TRIM35: variants seen among roughly 807,000 people sequenced by gnomAD.
TRIM35 encodes the protein E3 ubiquitin-protein ligase TRIM35.
Under a neutral mutation model 49.1 loss-of-function variants are expected in TRIM35, and 37 were observed. The ratio of observed to expected loss-of-function variants is 0.75; its 90% CI spans 0.58 to 0.99. The LOEUF is 0.99. Ranked by LOEUF, TRIM35 falls within the 50% of genes least tolerant of loss-of-function variation. The probability of loss-of-function intolerance (pLI) is 0.00; values close to 1 mark genes in which losing one functional copy is unlikely to be tolerated. For missense variants in TRIM35, 648 were observed against 702.7 expected (o/e 0.92, Z 0.88); for synonymous variants, 302 against 289.3 (o/e 1.04, Z -0.45).
In TRIM35 at chr8:27,287,808, G is replaced by A. The variant is rs1307973383; in HGVS notation, c.1224C>T (p.Asp408=). 6.2e-7 allele frequency: 1 copy of A among 1,611,092 alleles called. No homozygotes were observed. Among genetic ancestry groups the A allele is most frequent in the African/African-American group, 1.3e-5 (1 of 74,900 alleles). ...YVCRTQGVEG[D]HCVTSDPATS... The stretch of plus-strand genomic sequence containing the variant: ...TGGCTGGGTCCGAGGTCACGCAGTG[G>A]TCCCCCTCCACGCCCTGCGTGCGGC... The change falls in exon 6 of 6, where the codon GAC becomes GAT. Residue 408 remains aspartate, a synonymous_variant. Transcript: ENST00000305364. This position sits in a 1 kb window ranked among gnomAD's most constrained non-coding sequence, Gnocchi z 6.0.
intron 4 of TRIM35, 94 bp downstream of exon 4, chr8:27,290,062 G>GT: frequency 6.9e-7 from 1 of 1,448,166 alleles, no homozygotes; most frequent in Non-Finnish European, 9.6e-7. Context: ...GCACCCAGCT[G>GT]GTTGTTACCT....
At position 27,288,008 on chromosome 8, in the gene TRIM35, C is replaced by T. The variant is rs1563436213; in HGVS notation, c.1024G>A (p.Ala342Thr). 1 of 1,613,648 alleles carries T rather than the reference C, an allele frequency of 6.2e-7. No homozygotes were observed. Among genetic ancestry groups the T allele is most frequent in the Non-Finnish European group, 8.5e-7 (1 of 1,180,010 alleles). Residue 342 changes from alanine (A) to threonine (T), a missense_variant, in exon 6 of 6, where the codon GCG becomes ACG. Transcript: ENST00000305364. ...ACACGGGAGCCCAGCAGGCAGGGCG[C>T]CGAGGAGAAGCGTTCCGGGTTCTCC... Reference protein sequence around the residue: ...QVENPERFSSAPCLLGSRVFS... With the variant: ...QVENPERFSSTPCLLGSRVFS...
chr8:27,286,871 C>G lies in TRIM35; in HGVS notation c.*679G>C, dbSNP rs1802333605. 2 of 152,698 alleles carry G rather than the reference C, an allele frequency of 1.3e-5. No homozygotes were observed. Among genetic ancestry groups the G allele is most frequent in the Admixed American group, 1.3e-4 (2 of 15,308 alleles). The allele number at this position is 152,698 out of a possible 1,614,324, so 9.5% of individuals were successfully genotyped here. A position where few individuals can be genotyped will look rare whatever the true frequency, so the allele number is the denominator to read the frequency against. On this transcript the variant is annotated 3_prime_UTR_variant, in exon 6 of 6. Transcript: ENST00000305364. ...AATCCGGAGCGATGGCGCCAGCTGC[C>G]TCCTTCACATGGCTCTCCCAGGGCT...
At chr8:27,298,386 C>G in intron 2 of TRIM35, 78 bp downstream of exon 2, 4 of 1,418,286 alleles carry the variant, frequency 2.8e-6, no homozygotes, top group Non-Finnish European at 4.0e-6. Context: ...GCCAAAGCCA[C>G]GGCTGACACA....
At chr8:27,300,961 C>A (rs1206652888) in intron 1 of TRIM35, among the ~76,000 whole-genome samples, 1 of 152,194 alleles carries the variant, frequency 6.6e-6, no homozygotes, top group Admixed American at 6.5e-5. Flanking sequence ...AGTTCAGCCC[C>A]TGCCCTTCAA....
At chr8:27,300,725 A>AAACTTTGTTT in intron 1 of TRIM35, among the ~76,000 whole-genome samples, 1 of 152,344 alleles carries the variant, frequency 6.6e-6, no homozygotes, top group Admixed American at 6.5e-5. Flanking sequence ...TAAGATTTTT[A>AAACTTTGTTT]AACTTTGTTT....
chr8:27,294,190 G>T lies in TRIM35; in HGVS notation c.652C>A (p.Leu218Ile). The stretch of plus-strand genomic sequence containing the variant: ...TGCTTCATCTTCTCGTCGGCCAGAA[G>T]TTGCTTCTGCCTTGTCTCCTCGGCC... ...AMAEETRQKQ[L>I]LADEKMKQLT... Residue 218 changes from leucine (L) to isoleucine (I), a missense_variant, in exon 3 of 6, where the codon CTT becomes ATT. Leu to Ile is a conservative substitution (Grantham distance 5). Coordinates refer to ENST00000305364, the MANE Select transcript of TRIM35 (RefSeq NM_171982.5). 1.2e-6 allele frequency: 2 copies of T among 1,614,246 alleles called. No individual in the cohort carries two copies. Among genetic ancestry groups the T allele is most frequent in the South Asian group, 1.1e-5 (1 of 91,088 alleles).
At chr8:27,292,070 A>C (rs1802467132) in intron 3 of TRIM35, among the ~76,000 whole-genome samples, 1 of 152,226 alleles carries the variant, frequency 6.6e-6, no homozygotes, top group Admixed American at 6.5e-5. Flanking sequence ...CCAATTGATA[A>C]ATCAATCAAT....
chr8:27,290,145 T>C lies in TRIM35; in HGVS notation c.785+11A>G, dbSNP rs763034629. On this transcript the variant is annotated intron_variant, in intron 4 of 5. Transcript: ENST00000305364. ...CTCTTCCCCTCCCCTCCACCAGCTTTGGCAACTTACCGGCGTTTTCGGCTC... is the reference window on the plus strand; with the variant it reads ...CTCTTCCCCTCCCCTCCACCAGCTTCGGCAACTTACCGGCGTTTTCGGCTC... 1 of 1,614,132 alleles carries C rather than the reference T, an allele frequency of 6.2e-7. No homozygotes were observed. The highest frequency in any genetic ancestry group is 8.5e-7 in the Non-Finnish European group (1 of 1,180,008).
chr8:27,304,141 T>A (rs1273924404), intron 1 of TRIM35, among the ~76,000 whole-genome samples: 1 of 152,226 alleles, frequency 6.6e-6, no homozygotes, highest in Non-Finnish European at 1.5e-5. Context: ...TTGAAGATCT[T>A]AAGCACTTTA....
rs1207442230 is a variant in TRIM35, at chr8:27,294,443, CA to C, written c.532-134del. The C allele has an allele frequency of 3.3e-5, 28 of 849,198 alleles. No individual in the cohort carries two copies. The African/African-American group carries it at 4.3e-4, about 13-fold the overall frequency. The allele number at this position is 849,198 out of a possible 1,614,324, so 52.6% of individuals were successfully genotyped here. Reference sequence around the variant, plus strand: ...TATAGAACCCCTACAGATAAAATATCAACATAATAGTTTATAAGCACAAATT... The same window carrying C: ...TATAGAACCCCTACAGATAAAATATCACATAATAGTTTATAAGCACAAATT... On this transcript the variant is annotated intron_variant, in intron 2 of 5. Transcript: ENST00000305364.
At chr8:27,302,556 A>G (rs1229979771) in intron 1 of TRIM35, among the ~76,000 whole-genome samples, 1 of 152,078 alleles carries the variant, frequency 6.6e-6, no homozygotes, top group African/African-American at 2.4e-5. Flanking sequence ...ACAAGCATGC[A>G]CCACCACACC....
intron 1 of TRIM35, 112 bp from the exon 2 acceptor site, chr8:27,298,671 T>A: frequency 1.2e-6 from 1 of 860,764 alleles, no homozygotes; most frequent in Non-Finnish European, 1.9e-6. Flanking sequence ...CAAGTGTAAC[T>A]CAACTGCATT....
At position 27,311,240 on chromosome 8, in the gene TRIM35, C is replaced by G; in HGVS notation, c.-5G>C. On this transcript the variant is annotated 5_prime_UTR_variant, in exon 1 of 6. Coordinates refer to ENST00000305364, the MANE Select transcript of TRIM35 (RefSeq NM_171982.5). ...CACGTCGGGACTCCGCTCCATGGCA[C>G]GAGCAGCCGGCTCGGGCGCCCGGAA... 5 of 1,516,906 alleles carry G rather than the reference C, an allele frequency of 3.3e-6. No individual in the cohort carries two copies. The highest frequency in any genetic ancestry group is 2.6e-5 in the South Asian group (2 of 76,920). 94.0% of individuals were successfully genotyped at this position (1,516,906 alleles called of 1,614,324 possible).
chr8:27,307,700 G>A (rs892121077), intron 1 of TRIM35, among the ~76,000 whole-genome samples: 9 of 152,204 alleles, frequency 5.9e-5, no homozygotes, highest in African/African-American at 2.2e-4. Context: ...CTCTCTCAAA[G>A]TCCAGGACCA....
At chr8:27,290,238 T>A (rs1170791780) in intron 3 of TRIM35, 60 bp from the exon 4 acceptor site, 1 of 1,559,314 alleles carries the variant, frequency 6.4e-7, no homozygotes, top group African/African-American at 1.4e-5. Flanking sequence ...AATGTATATG[T>A]TTCTGACCTC....
intron 4 of TRIM35, 57 bp from the exon 5 acceptor site, chr8:27,289,337 A>G: frequency 7.2e-7 from 1 of 1,394,080 alleles, no homozygotes; most frequent in Admixed American, 1.7e-5. Context: ...CCTGGGCCGA[A>G]CTGGGCCAAC....
intron 2 of TRIM35, among the ~76,000 whole-genome samples, chr8:27,295,471 A>G (rs1802546901): frequency 1.3e-5 from 2 of 152,388 alleles, no homozygotes; most frequent in South Asian, 2.1e-4. Flanking sequence ...TAAACCCATC[A>G]TAAGTTGAAA....
intron 1 of TRIM35, among the ~76,000 whole-genome samples, chr8:27,305,666 G>C (rs572247172): frequency 6.6e-6 from 1 of 152,184 alleles, no homozygotes; most frequent in Non-Finnish European, 1.5e-5. Context: ...GAGAGGGCTG[G>C]AGCTGGGACA....
Sources: gnomAD v4.1 joint callset for allele counts (sites outside exome capture counted in the v4.1 genomes callset) on GRCh38, gnomAD v4.1.1 for gene constraint, Gnocchi (gnomAD v3.1) non-coding constraint, MANE v1.5 for transcripts, NCBI Gene and HGNC (gene_info 2026-07-23, HGNC 2026-07-21) for gene names.